Variants in SNX25 observed in about 807,000 individuals in gnomAD.
SNX25 encodes sorting nexin-25.
In SNX25, 62 loss-of-function variants were observed where a neutral mutation model predicts 113.7. The ratio of observed to expected loss-of-function variants is 0.55; its 90% CI spans 0.44 to 0.67. SNX25 has a LOEUF of 0.67. SNX25 is among the 30% of genes least tolerant of loss of function. The pLI, the probability that SNX25 is intolerant of heterozygous loss-of-function variation, is 0.00. For missense variants in SNX25, 1,014 were observed against 1,161.0 expected (o/e 0.87, Z 1.84); for synonymous variants, 421 against 436.2 (o/e 0.97, Z 0.43).
intron 6 of SNX25, among the ~76,000 whole-genome samples, chr4:185,300,549 C>T (rs1402108015): frequency 4.6e-5 from 7 of 151,956 alleles, no homozygotes; most frequent in Non-Finnish European, 4.4e-5. Context: ...AAAAAGAGAG[C>T]TAGCTAATTA....
At chr4:185,248,109 C>A (rs1201685533) in intron 2 of SNX25, among the ~76,000 whole-genome samples, 1 of 152,012 alleles carries the variant, frequency 6.6e-6, no homozygotes, top group East Asian at 1.9e-4. Context: ...ACAAAAATCA[C>A]CATATCAAAA....
intron 6 of SNX25, among the ~76,000 whole-genome samples, chr4:185,306,684 T>G (rs1435658218): frequency 2.6e-5 from 4 of 152,208 alleles, no homozygotes; most frequent in African/African-American, 9.7e-5. Context: ...AGTCCCAGAA[T>G]TTTTAGATTA....
intron 13 of SNX25, among the ~76,000 whole-genome samples, chr4:185,346,993 T>A (rs534347477): frequency 6.6e-6 from 1 of 152,322 alleles, no homozygotes; most frequent in East Asian, 1.9e-4. Context: ...GTTACAGTTG[T>A]CTTTCAACTT....
intron 7 of SNX25, among the ~76,000 whole-genome samples, chr4:185,311,845 G>A (rs974214739): frequency 1.3e-5 from 2 of 152,254 alleles, no homozygotes; most frequent in South Asian, 2.1e-4. Flanking sequence ...CCCAGCATAC[G>A]CCAGGGTTCT....
intron 4 of SNX25, among the ~76,000 whole-genome samples, chr4:185,266,706 C>G (rs2126547153): frequency 6.6e-6 from 1 of 152,228 alleles, no homozygotes; most frequent in South Asian, 2.1e-4. Context: ...CAAATGACTT[C>G]CCTTCATGAT....
intron 5 of SNX25, among the ~76,000 whole-genome samples, chr4:185,279,089 C>G (rs1750179355): frequency 6.6e-6 from 1 of 150,954 alleles, no homozygotes; most frequent in Admixed American, 6.6e-5. Flanking sequence ...GTATAAATAC[C>G]ATTTATACTT....
At chr4:185,302,938 C>A (rs892853461) in intron 6 of SNX25, among the ~76,000 whole-genome samples, 1 of 152,212 alleles carries the variant, frequency 6.6e-6, no homozygotes, top group African/African-American at 2.4e-5. Context: ...TCGGGCACTT[C>A]CATTGCACTC....
In SNX25 at chr4:185,321,272, T is replaced by G. The variant is rs533376762; in HGVS notation, c.1476+408T>G. Among the ~76,000 whole-genome samples, 3 of 151,684 alleles carry G rather than the reference T, an allele frequency of 2.0e-5. No homozygotes were observed. In the East Asian group the frequency reaches 5.8e-4, roughly 29 times the overall value. On this transcript the variant is annotated intron_variant, in intron 8 of 18. Transcript: ENST00000652585. ...TTGCCTTTCATTTCAATTTTTTTTTTTTTTTTTTGAGACGGAGCCTTACTC... is the reference window on the plus strand; with the variant it reads ...TTGCCTTTCATTTCAATTTTTTTTTGTTTTTTTTGAGACGGAGCCTTACTC...
intron 5 of SNX25, among the ~76,000 whole-genome samples, chr4:185,286,604 G>A (rs1409150639): frequency 1.3e-5 from 2 of 152,180 alleles, no homozygotes; most frequent in African/African-American, 4.8e-5. Context: ...GGCTAGAATG[G>A]TATCACCTGG....
intron 1 of SNX25, among the ~76,000 whole-genome samples, chr4:185,218,888 TA>T (rs1739326294): frequency 1.2e-5 from 1 of 85,902 alleles, no homozygotes; most frequent in African/African-American, 3.9e-5. Flanking sequence ...AAACTAATTT[TA>T]AAGTTTTTTT....
At chr4:185,306,027 C>T (rs1754420951) in intron 6 of SNX25, among the ~76,000 whole-genome samples, 1 of 152,178 alleles carries the variant, frequency 6.6e-6, no homozygotes, top group Admixed American at 6.5e-5. Flanking sequence ...TAACAATGCA[C>T]AGTGTTACTA....
intron 7 of SNX25, among the ~76,000 whole-genome samples, chr4:185,315,042 C>T (rs1392155473): frequency 8.6e-5 from 13 of 151,286 alleles, no homozygotes; most frequent in Non-Finnish European, 1.5e-4. Context: ...TCCTGGCTAA[C>T]ACAGTGAAAC....
intron 1 of SNX25, among the ~76,000 whole-genome samples, chr4:185,240,469 G>A (rs527495669): frequency 0.028 from 4,173 of 149,014 alleles, 88 homozygotes; most frequent in African/African-American, 0.054. Context: ...AGTAGGGGCG[G>A]CCGGGCAGAG....
chr4:185,349,738 G>T (rs750462659), intron 13 of SNX25, among the ~76,000 whole-genome samples: 2 of 152,144 alleles, frequency 1.3e-5, no homozygotes, highest in Non-Finnish European at 2.9e-5. Flanking sequence ...TTGTGTGTGT[G>T]TGTGTTTTGC....
chr4:185,225,217 C>T (rs1342965601), intron 1 of SNX25, among the ~76,000 whole-genome samples: 1 of 150,520 alleles, frequency 6.6e-6, no homozygotes, highest in African/African-American at 2.4e-5. Flanking sequence ...CTCCCAGGTT[C>T]ACACCATTCT....
chr4:185,337,987 T>C (rs1366613081), intron 10 of SNX25, among the ~76,000 whole-genome samples: 11 of 152,238 alleles, frequency 7.2e-5, no homozygotes, highest in Non-Finnish European at 4.4e-5. Context: ...AAATGTCTAT[T>C]CAAATCCTTT....
intron 1 of SNX25, among the ~76,000 whole-genome samples, chr4:185,216,466 A>T (rs1738837329): frequency 1.3e-5 from 2 of 152,126 alleles, no homozygotes; most frequent in African/African-American, 4.8e-5. Context: ...GGGACAAAAA[A>T]CAATGCTAAT....
intron 7 of SNX25, among the ~76,000 whole-genome samples, chr4:185,317,414 G>A (rs1446213475): frequency 6.6e-6 from 1 of 152,174 alleles, no homozygotes; most frequent in Non-Finnish European, 1.5e-5. Context: ...ACAGTGTGGT[G>A]ATTCCTCAAG....
chr4:185,215,617 T>C (rs1185281522), intron 1 of SNX25, among the ~76,000 whole-genome samples: 2 of 152,206 alleles, frequency 1.3e-5, no homozygotes, highest in Admixed American at 1.3e-4. Flanking sequence ...TAATCCTCAG[T>C]CATTTGATAA....
Sources: gnomAD v4.1 joint callset for allele counts (sites outside exome capture counted in the v4.1 genomes callset) on GRCh38, gnomAD v4.1.1 for gene constraint, MANE v1.5 for transcripts, NCBI Gene and HGNC (gene_info 2026-07-23, HGNC 2026-07-21) for gene names.